Variants in SMAD6 observed in about 807,000 individuals in gnomAD.
The protein encoded by SMAD6 is MAD homolog 6.
SMAD6 carries 103 observed loss-of-function variants against 39.4 expected under a neutral mutation model. That is an observed-to-expected ratio of 2.62 (90% CI 2.23 to 3.08). The LOEUF (loss-of-function observed/expected upper bound fraction) is 3.08. SMAD6 is among the 30% of genes most tolerant of loss of function. The pLI, the probability that SMAD6 is intolerant of heterozygous loss-of-function variation, is 0.00. For missense variants in SMAD6, 1,104 were observed against 742.9 expected, an observed-to-expected ratio of 1.49 and a Z score of -5.65; for synonymous variants, 445 against 353.3, an observed-to-expected ratio of 1.26 and a Z score of -2.91.
chr15:66,734,006 G>A (rs1168351257), intron 3 of SMAD6, among the ~76,000 whole-genome samples: 1 of 152,200 alleles, frequency 6.6e-6, no homozygotes, highest in Non-Finnish European at 1.5e-5. Context: ...CAGGTCTCCT[G>A]TGCCCGAGCT....
chr15:66,778,703 C>T (rs1263314929), intron 3 of SMAD6, among the ~76,000 whole-genome samples: 2 of 152,192 alleles, frequency 1.3e-5, no homozygotes, highest in African/African-American at 4.8e-5. Flanking sequence ...GGAGCCAGGA[C>T]AGAACTCTAT....
At chr15:66,710,206 A>C (rs139503184) in intron 1 of SMAD6, among the ~76,000 whole-genome samples, 19 of 152,304 alleles carry the variant, frequency 1.2e-4, no homozygotes, top group Non-Finnish European at 2.5e-4. Context: ...TTGTATTTTG[A>C]GAAAGGATTA....
chr15:66,772,170 G>A (rs536028420), intron 3 of SMAD6, among the ~76,000 whole-genome samples: 4 of 152,186 alleles, frequency 2.6e-5, no homozygotes, highest in Non-Finnish European at 4.4e-5. Flanking sequence ...CAGCCCACAG[G>A]TTGCAGCCAC....
intron 3 of SMAD6, among the ~76,000 whole-genome samples, chr15:66,752,096 A>T (rs961420625): frequency 1.4e-5 from 2 of 139,596 alleles, no homozygotes; most frequent in Non-Finnish European, 3.0e-5. Flanking sequence ...GTTGCTCCTC[A>T]GGGAAACCAT....
intron 1 of SMAD6, chr15:66,708,826 ATGTCT>A (rs1434218259): frequency 4.4e-6 from 2 of 452,810 alleles, no homozygotes; most frequent in Admixed American, 2.4e-5. Flanking sequence ...GATAAAAAAA[ATGTCT>A]TGTGTTTAGA....
intron 3 of SMAD6, among the ~76,000 whole-genome samples, chr15:66,725,261 C>A (rs1486499105): frequency 6.6e-6 from 1 of 152,178 alleles, no homozygotes; most frequent in Non-Finnish European, 1.5e-5. Context: ...GAAGGAATTC[C>A]TGATATTCAT....
chr15:66,703,337 AGCGGCG>A lies in SMAD6; in HGVS notation c.87_92del (p.Gly32_Gly33del), dbSNP rs936063348. 1.3e-6 allele frequency: 2 copies of A among 1,484,724 alleles called. No individual in the cohort carries two copies. The highest frequency in any genetic ancestry group is 2.6e-5 in the South Asian group (2 of 77,706). The allele number at this position is 1,484,724 out of a possible 1,614,324, so 92.0% of individuals were successfully genotyped here. On this transcript the variant is annotated inframe_deletion, in exon 1 of 4. Coordinates refer to ENST00000288840, the MANE Select transcript of SMAD6 (RefSeq NM_005585.5). ...GGTCCCCGACCGGGAGGAAGGCGGCAGCGGCGGCGGCGGTGGCGGCGACGAGGATGG... is the reference window on the plus strand; with the variant it reads ...GGTCCCCGACCGGGAGGAAGGCGGCAGCGGCGGTGGCGGCGACGAGGATGG...
At chr15:66,712,924 T>G (rs1893259951) in intron 2 of SMAD6, among the ~76,000 whole-genome samples, 1 of 152,070 alleles carries the variant, frequency 6.6e-6, no homozygotes, top group Non-Finnish European at 1.5e-5. Flanking sequence ...GGAGGATCCC[T>G]TAAGCCCAGG....
intron 3 of SMAD6, among the ~76,000 whole-genome samples, chr15:66,736,481 A>G (rs1893714065): frequency 6.6e-6 from 1 of 152,140 alleles, no homozygotes; most frequent in South Asian, 2.1e-4. Context: ...TTCACCCCTG[A>G]TGGGTACAGC....
chr15:66,744,790 C>T (rs746363587), intron 3 of SMAD6, among the ~76,000 whole-genome samples: 8 of 152,218 alleles, frequency 5.3e-5, no homozygotes, highest in Non-Finnish European at 1.2e-4. Flanking sequence ...CAGCCCTCAT[C>T]GCCAGTCCCT....
intron 3 of SMAD6, among the ~76,000 whole-genome samples, chr15:66,767,975 T>G (rs998036480): frequency 7.1e-6 from 1 of 141,196 alleles, no homozygotes; most frequent in African/African-American, 2.7e-5. Flanking sequence ...TTTTTTTTTT[T>G]TTTTTTTTTT....
In SMAD6 at chr15:66,709,666, G is replaced by A. The variant is rs144472265; in HGVS notation, c.818-2002G>A. Among the ~76,000 whole-genome samples the A allele has an allele frequency of 1.9e-4, 29 of 152,342 alleles. No individual in the cohort carries two copies. In the East Asian group the frequency reaches 5.6e-3, roughly 29 times the overall value. Reference sequence around the variant, plus strand: ...TAAGGAATTGCAGGCTTTCTGATAAGTTCATGGGGGTGGTGGAAAGGGCAT... The same window carrying A: ...TAAGGAATTGCAGGCTTTCTGATAAATTCATGGGGGTGGTGGAAAGGGCAT... On this transcript the variant is annotated intron_variant, in intron 1 of 3. Transcript: ENST00000288840.
chr15:66,728,475 C>T (rs1298870168), intron 3 of SMAD6, among the ~76,000 whole-genome samples: 3 of 151,776 alleles, frequency 2.0e-5, no homozygotes, highest in East Asian at 1.9e-4. Flanking sequence ...GATGTGATCT[C>T]GGCTCACTGC....
At position 66,703,894 on chromosome 15, in the gene SMAD6, C is replaced by T. The variant is rs575612166; in HGVS notation, c.636C>T (p.Asp212=). 290 of 1,299,558 alleles carry T rather than the reference C, an allele frequency of 2.2e-4. No individual in the cohort carries two copies. The highest frequency in any genetic ancestry group is 2.6e-4 in the Non-Finnish European group (264 of 1,026,878). 80.5% of individuals were successfully genotyped at this position (1,299,558 alleles called of 1,614,324 possible). A position where few individuals can be genotyped will look rare whatever the true frequency, so the allele number is the denominator to read the frequency against. The change falls in exon 1 of 4, where the codon GAC becomes GAT. Residue 212 remains aspartate, a synonymous_variant. Transcript: ENST00000288840. ...GCTGCGTGCTGGTGCCGCGCGCCGACCTCCGCCTGGGCGGCCAGCCCGCGC... is the reference window on the plus strand; with the variant it reads ...GCTGCGTGCTGGTGCCGCGCGCCGATCTCCGCCTGGGCGGCCAGCCCGCGC... ...PGGCVLVPRA[D]LRLGGQPAPP... is the part of the protein sequence containing the mutation.
chr15:66,754,596 A>G (rs1341135456), intron 3 of SMAD6, among the ~76,000 whole-genome samples: 1 of 152,154 alleles, frequency 6.6e-6, no homozygotes, highest in African/African-American at 2.4e-5. Context: ...AGTGCCTTCT[A>G]TGCTGGGCTT....
intron 3 of SMAD6, among the ~76,000 whole-genome samples, chr15:66,719,856 G>A (rs984423200): frequency 3.3e-5 from 5 of 152,118 alleles, no homozygotes; most frequent in African/African-American, 9.7e-5. Context: ...ATTTGGATAC[G>A]TGATTCCCAC....
chr15:66,754,588 T>A (rs1396775794), intron 3 of SMAD6, among the ~76,000 whole-genome samples: 1 of 152,200 alleles, frequency 6.6e-6, no homozygotes, highest in Non-Finnish European at 1.5e-5. Context: ...TTTCTCTGAG[T>A]GCCTTCTATG....
Position 66,703,340 on chromosome 15 carries a change from G to T in SMAD6, c.82G>T (p.Gly28Cys). The T allele has an allele frequency of 4.1e-6, 6 of 1,478,240 alleles. No individual in the cohort carries two copies. The highest frequency in any genetic ancestry group is 5.4e-6 in the Non-Finnish European group (6 of 1,113,722). The allele number at this position is 1,478,240 out of a possible 1,614,324, so 91.6% of individuals were successfully genotyped here. Reference protein sequence around the residue: ...VVPDREEGGSGGGGGGDEDGS... With the variant: ...VVPDREEGGSCGGGGGDEDGS... ...CCCCGACCGGGAGGAAGGCGGCAGC[G>T]GCGGCGGCGGTGGCGGCGACGAGGA... Residue 28 changes from glycine to cysteine, a missense_variant, in exon 1 of 4, where the codon GGC (glycine) becomes TGC (cysteine). Physicochemically the swap from Gly to Cys is radical, Grantham distance 159. Transcript: ENST00000288840.
At chr15:66,711,905 C>T (rs1893239548) in intron 2 of SMAD6, among the ~76,000 whole-genome samples, 181 bp downstream of exon 2, 1 of 152,082 alleles carries the variant, frequency 6.6e-6, no homozygotes, top group Non-Finnish European at 1.5e-5. Flanking sequence ...TGGGCCAAAG[C>T]AGACCCAGCT....
Sources: gnomAD v4.1 joint callset for allele counts (sites outside exome capture counted in the v4.1 genomes callset) on GRCh38, gnomAD v4.1.1 for gene constraint, MANE v1.5 for transcripts, NCBI Gene and HGNC (gene_info 2026-07-23, HGNC 2026-07-21) for gene names.